IDH1: variants seen among roughly 807,000 people sequenced by gnomAD.
IDH1 encodes isocitrate dehydrogenase [NADP] cytoplasmic.
Under a neutral mutation model 46.1 loss-of-function variants are expected in IDH1, and 33 were observed. That is an observed-to-expected ratio of 0.72 (90% CI 0.54 to 0.96). The LOEUF (loss-of-function observed/expected upper bound fraction) is 0.96, where lower values mean the gene tolerates loss of function less well. IDH1 is among the 40% of genes least tolerant of loss of function. The pLI is 0.00. For missense variants in IDH1, 421 were observed against 515.7 expected (o/e 0.82, Z 1.78); for synonymous variants, 144 against 172.8 (o/e 0.83, Z 1.31).
Position 208,245,469 on chromosome 2 carries a change from G to A in IDH1, c.415-45C>T, listed in dbSNP as rs1468691787. 9 of 1,045,744 alleles carry A rather than the reference G, an allele frequency of 8.6e-6. 1 individual carries two copies. In the South Asian group the frequency reaches 1.1e-4, roughly 13 times the overall value. The allele number at this position is 1,045,744 out of a possible 1,614,324, so 64.8% of individuals were successfully genotyped here. A position where few individuals can be genotyped will look rare whatever the true frequency, so the allele number is the denominator to read the frequency against. ...GTATAAAGAAAAAAAAAATACCCTA[G>A]CAGGAATTGTAAGGAGAATATTCAT... On this transcript the variant is annotated intron_variant, in intron 4 of 9. Transcript: ENST00000345146.
At chr2:208,249,476 C>A (rs1688083812) in intron 3 of IDH1, among the ~76,000 whole-genome samples, 1 of 152,082 alleles carries the variant, frequency 6.6e-6, no homozygotes, top group Admixed American at 6.5e-5. Context: ...TAATATACAC[C>A]AACACAAAGA....
At chr2:208,251,024 AGAAGAATCT>A (rs1021667831) in intron 3 of IDH1, among the ~76,000 whole-genome samples, 1 of 152,232 alleles carries the variant, frequency 6.6e-6, no homozygotes, top group African/African-American at 2.4e-5. Flanking sequence ...ACAGAAGGTT[AGAAGAATCT>A]GAAAATCATT....
At chr2:208,237,565 C>T (rs887121504) in intron 9 of IDH1, among the ~76,000 whole-genome samples, 6 of 152,138 alleles carry the variant, frequency 3.9e-5, no homozygotes, top group African/African-American at 1.4e-4. Flanking sequence ...CACCTTCCCA[C>T]AAACCGTTAC....
intron 4 of IDH1, 98 bp downstream of exon 4, chr2:208,248,271 A>C: frequency 9.7e-7 from 1 of 1,029,774 alleles, no homozygotes; most frequent in South Asian, 1.3e-5. Context: ...TAATGGGTGT[A>C]GATACCAAAA....
intron 2 of IDH1, among the ~76,000 whole-genome samples, chr2:208,252,463 G>A (rs371462903): frequency 6.6e-6 from 1 of 152,204 alleles, no homozygotes; most frequent in African/African-American, 2.4e-5. Flanking sequence ...GAAAGTGCAA[G>A]GTTGGACGCT....
At chr2:208,242,524 A>T (rs986229052) in intron 6 of IDH1, among the ~76,000 whole-genome samples, 2 of 152,228 alleles carry the variant, frequency 1.3e-5, no homozygotes, top group African/African-American at 4.8e-5. Context: ...GGTGTCATTC[A>T]GGAAACTAAA....
chr2:208,242,769 CTTTTT>C (rs1206390027), intron 6 of IDH1, among the ~76,000 whole-genome samples: 1 of 139,700 alleles, frequency 7.2e-6, no homozygotes, highest in Non-Finnish European at 1.5e-5. Flanking sequence ...CTTTTCTTTT[CTTTTT>C]TTTTTTTTGA....
At chr2:208,254,345 T>A (rs377011618) in intron 1 of IDH1, 16 of 153,040 alleles carry the variant, frequency 1.0e-4, no homozygotes, top group African/African-American at 3.4e-4. Context: ...GCTGGGACCT[T>A]TTAAACTCCA....
intron 9 of IDH1, 27 bp from the exon 10 acceptor site, chr2:208,237,196 AT>A: frequency 8.0e-7 from 1 of 1,249,954 alleles, no homozygotes; most frequent in Non-Finnish European, 1.2e-6. Flanking sequence ...AAAAAAGAAA[AT>A]TTAGTTGGTC....
Position 208,239,238 on chromosome 2 carries a change from AAG to A in IDH1, c.992-7_992-6del, listed in dbSNP as rs1687873339. ...TGGTCCAGGCAAAAATGGAAGCTAA[AAG>A]AGGGGAAAAAAAACACAACACTCCA... On this transcript the variant is annotated splice_polypyrimidine_tract_variant and splice_region_variant and intron_variant, in intron 8 of 9. Transcript: ENST00000345146. 5.0e-6 allele frequency: 8 copies of A among 1,613,828 alleles called. No individual in the cohort carries two copies. In the East Asian group the frequency reaches 1.1e-4, roughly 22 times the overall value.
In IDH1 at chr2:208,253,733, T is replaced by A. The variant is rs563483962; in HGVS notation, c.-17+153A>T. Among the ~76,000 whole-genome samples the A allele has an allele frequency of 1.2e-4, 18 of 152,320 alleles. No homozygotes were observed. The South Asian group carries it at 3.3e-3, about 28-fold the overall frequency. The stretch of plus-strand genomic sequence containing the variant: ...ATCTCTTGCAGATAAGACACTGTAT[T>A]AAAAGAAACAAGGAAGCTGTTGGAA... On this transcript the variant is annotated intron_variant, in intron 2 of 9. Transcript: ENST00000345146.
chr2:208,242,099 T>C lies in IDH1; in HGVS notation c.745A>G (p.Arg249Gly). 1 of 1,613,880 alleles carries C rather than the reference T, an allele frequency of 6.2e-7. No individual in the cohort carries two copies. Among genetic ancestry groups the C allele is most frequent in the Non-Finnish European group, 8.5e-7 (1 of 1,179,888 alleles). Residue 249 changes from arginine (R) to glycine (G), a missense_variant, in exon 7 of 10, where the codon AGG (arginine) becomes GGG (glycine). Arg to Gly is a moderately radical substitution (Grantham distance 125). Transcript: ENST00000345146. Reference sequence around the variant, plus strand: ...TGGGCCACCATGTCGTCGATGAGCCTATGCTCATACCAGATCTTTTGAGCT... The same window carrying C: ...TGGGCCACCATGTCGTCGATGAGCCCATGCTCATACCAGATCTTTTGAGCT... ...FEAQKIWYEHRLIDDMVAQAM... is the reference protein window; with the variant it reads ...FEAQKIWYEHGLIDDMVAQAM...
chr2:208,242,203 A>T, intron 6 of IDH1, 58 bp from the exon 7 acceptor site: 1 of 1,506,284 alleles, frequency 6.6e-7, no homozygotes, highest in South Asian at 1.1e-5. Context: ...TGTTAGGGAT[A>T]TCATCTGCTT....
In IDH1 at chr2:208,251,455, G is replaced by A. The variant is rs555882127; in HGVS notation, c.97C>T (p.Pro33Ser). 6.2e-7 allele frequency: 1 copy of A among 1,613,228 alleles called. No individual in the cohort carries two copies. The highest frequency in any genetic ancestry group is 1.1e-5 in the South Asian group (1 of 91,050). The change falls in exon 3 of 10, where the codon CCC (proline) becomes TCC (serine). Residue 33 changes from proline (P) to serine (S), a missense_variant. Pro to Ser is a moderately conservative substitution (Grantham distance 74). Coordinates refer to ENST00000345146, the MANE Select transcript of IDH1 (RefSeq NM_005896.4). ...CTATGTAGATCCAATTCCACGTAGG[G>A]AAAAATGAGTTTCTCTTTAATCAAT... ...WELIKEKLIF[P>S]YVELDLHSYD... is the part of the protein sequence containing the mutation.
In IDH1 at chr2:208,243,461, G is replaced by A. The variant is rs751364381; in HGVS notation, c.664C>T (p.Arg222Cys). ...ATCTCCTGAAAGATGTCTTTAAAAC[G>A]CCCATCATATTTCTTCAGAATAGTG... is the stretch of plus-strand genomic sequence containing the variant. ...KNTILKKYDG[R>C]FKDIFQEIYD... The change falls in exon 6 of 10, where the codon CGT becomes TGT. Residue 222 changes from arginine (R) to cysteine (C), a missense_variant. By Grantham distance (180) the Arg-to-Cys change is radical (BLOSUM62 -3). Coordinates refer to ENST00000345146, the MANE Select transcript of IDH1 (RefSeq NM_005896.4). 1.2e-5 allele frequency: 19 copies of A among 1,613,484 alleles called. No homozygotes were observed. Among genetic ancestry groups the A allele is most frequent in the African/African-American group, 6.7e-5 (5 of 74,884 alleles).
At chr2:208,245,925 C>T (rs1310292232) in intron 4 of IDH1, among the ~76,000 whole-genome samples, 1 of 152,006 alleles carries the variant, frequency 6.6e-6, no homozygotes, top group Admixed American at 6.6e-5. Context: ...TTACTCTATG[C>T]CAGATGCTTT....
chr2:208,241,143 TCTC>T (rs1400829125), intron 7 of IDH1, among the ~76,000 whole-genome samples: 2 of 152,182 alleles, frequency 1.3e-5, no homozygotes, highest in Non-Finnish European at 2.9e-5. Context: ...GCATGAAACT[TCTC>T]CTGGAATTTC....
chr2:208,245,232 T>A (rs1302029113), intron 5 of IDH1, 87 bp downstream of exon 5: 1 of 769,486 alleles, frequency 1.3e-6, no homozygotes, highest in Non-Finnish European at 2.2e-6. Context: ...TTTTAGGCAG[T>A]CACATAACTA....
At chr2:208,245,217 T>C (rs1230235892) in intron 5 of IDH1, 102 bp downstream of exon 5, 2 of 724,476 alleles carry the variant, frequency 2.8e-6, no homozygotes, top group African/African-American at 1.8e-5. Context: ...AGATTCAGAT[T>C]ATATTTTTAG....
Sources: gnomAD v4.1 joint callset for allele counts (sites outside exome capture counted in the v4.1 genomes callset) on GRCh38, gnomAD v4.1.1 for gene constraint, MANE v1.5 for transcripts, NCBI Gene and HGNC (gene_info 2026-07-23, HGNC 2026-07-21) for gene names.